The following CERKL variants were observed in gnomAD, a reference collection of about 807,000 sequenced individuals.
CERKL encodes CERK like autophagy regulator.
CERKL carries 61 observed loss-of-function variants against 63.4 expected under a neutral mutation model. That is an observed-to-expected ratio of 0.96 (90% CI 0.78 to 1.19). The LOEUF (loss-of-function observed/expected upper bound fraction) is 1.19, where lower values mean the gene tolerates loss of function less well. Among genes scored for constraint, CERKL ranks in the 50% most tolerant of loss-of-function variants. The pLI is 0.00. For synonymous variants in CERKL, 250 were observed against 230.5 expected, an observed-to-expected ratio of 1.08 and a Z score of -0.77; for missense variants, 675 against 655.5, an observed-to-expected ratio of 1.03 and a Z score of -0.33.
intron 2 of CERKL, among the ~76,000 whole-genome samples, chr2:181,578,022 C>T (rs147149462): frequency 3.3e-5 from 5 of 152,258 alleles, no homozygotes; most frequent in East Asian, 3.9e-4. Flanking sequence ...GAGAAACCCA[C>T]GCTCATGCTA....
intron 2 of CERKL, among the ~76,000 whole-genome samples, chr2:181,577,195 T>C (rs1363169353): frequency 6.6e-6 from 1 of 152,138 alleles, no homozygotes; most frequent in East Asian, 1.9e-4. Context: ...ACTGAAAGAA[T>C]AGCTAAAGAA....
intron 3 of CERKL, among the ~76,000 whole-genome samples, chr2:181,572,128 T>C (rs562410303): frequency 5.9e-5 from 9 of 151,604 alleles, no homozygotes; most frequent in Middle Eastern, 3.4e-3. Context: ...CCGCCCCCCC[T>C]CCCAACTTTT....
chr2:181,633,667 C>T (rs746705545), intron 1 of CERKL, among the ~76,000 whole-genome samples: 10 of 152,078 alleles, frequency 6.6e-5, no homozygotes, highest in Admixed American at 2.0e-4. Flanking sequence ...GAAGAGAAAG[C>T]GTCGGGCAAT....
At position 181,656,945 on chromosome 2, in the gene CERKL, G is replaced by T. The variant is rs1278546232; in HGVS notation, c.62C>A (p.Ala21Glu). ...SALEGGREEE[A>E]PPEAAAVPPA... Reference sequence around the variant, plus strand: ...AGGCACAGCGGCAGCCTCCGGGGGCGCCTCTTCCTCCCGGCCGCCCTCCAG... The same window carrying T: ...AGGCACAGCGGCAGCCTCCGGGGGCTCCTCTTCCTCCCGGCCGCCCTCCAG... Residue 21 changes from alanine to glutamate, a missense_variant, in exon 1 of 13, where the codon GCG (alanine) becomes GAG (glutamate). Transcript: ENST00000410087. The T allele has an allele frequency of 6.9e-6, 11 of 1,586,900 alleles. No homozygotes were observed. Among genetic ancestry groups the T allele is most frequent in the South Asian group, 1.1e-5 (1 of 89,500 alleles).
chr2:181,571,974 T>C (rs115077018), intron 3 of CERKL, among the ~76,000 whole-genome samples: 72 of 152,272 alleles, frequency 4.7e-4, no homozygotes, highest in African/African-American at 1.7e-3. Context: ...AGGATGAAAT[T>C]CACTGGCAGC....
chr2:181,539,047 TTA>T, intron 12 of CERKL, 43 bp downstream of exon 12: 1 of 1,274,004 alleles, frequency 7.8e-7, no homozygotes, highest in Non-Finnish European at 1.1e-6. Flanking sequence ...AATATTAGAT[TTA>T]TGTTTACTGG....
intron 1 of CERKL, among the ~76,000 whole-genome samples, chr2:181,655,639 G>C (rs1346539641): frequency 2.0e-5 from 3 of 152,220 alleles, no homozygotes; most frequent in African/African-American, 7.2e-5. Context: ...TCCCTGGCTA[G>C]TTGGTTTCAT....
chr2:181,588,749 C>A (rs1684866134), intron 2 of CERKL, among the ~76,000 whole-genome samples: 1 of 152,056 alleles, frequency 6.6e-6, no homozygotes, highest in Non-Finnish European at 1.5e-5. Flanking sequence ...CCCACCAATA[C>A]TTATCTTTTA....
intron 12 of CERKL, among the ~76,000 whole-genome samples, chr2:181,538,826 T>C (rs1025212699): frequency 6.6e-6 from 1 of 152,174 alleles, no homozygotes; most frequent in African/African-American, 2.4e-5. Context: ...ACATTATCTG[T>C]AGTTTATGCA....
chr2:181,614,466 T>C (rs1038822877), intron 1 of CERKL, among the ~76,000 whole-genome samples: 1 of 152,234 alleles, frequency 6.6e-6, no homozygotes, highest in Non-Finnish European at 1.5e-5. Flanking sequence ...CTTTACGGTA[T>C]CACCTTAAGA....
intron 1 of CERKL, among the ~76,000 whole-genome samples, chr2:181,643,295 A>G (rs1324327881): frequency 6.6e-6 from 1 of 152,230 alleles, no homozygotes; most frequent in African/African-American, 2.4e-5. Flanking sequence ...AGTAACTCAG[A>G]CATGTTAAAC....
chr2:181,572,768 C>T (rs1456945805), intron 3 of CERKL, among the ~76,000 whole-genome samples: 1 of 142,470 alleles, frequency 7.0e-6, no homozygotes, highest in African/African-American at 2.7e-5. Context: ...GCTGACCTTC[C>T]TACAAAACTT....
At chr2:181,579,065 CATTT>C (rs1684386718) in intron 2 of CERKL, among the ~76,000 whole-genome samples, 1 of 151,988 alleles carries the variant, frequency 6.6e-6, no homozygotes, top group Non-Finnish European at 1.5e-5. Flanking sequence ...TTCACTCTGT[CATTT>C]ATTAACTGTG....
At chr2:181,629,993 C>T (rs1173853321) in intron 1 of CERKL, among the ~76,000 whole-genome samples, 1 of 150,622 alleles carries the variant, frequency 6.6e-6, no homozygotes, top group Non-Finnish European at 1.5e-5. Context: ...AGAAGCCTCA[C>T]CTCACTATTA....
intron 5 of CERKL, among the ~76,000 whole-genome samples, chr2:181,551,506 G>T (rs898929619): frequency 6.6e-6 from 1 of 151,878 alleles, no homozygotes; most frequent in African/African-American, 2.4e-5. Flanking sequence ...CAAAGGATAC[G>T]AACAGACACT....
At chr2:181,623,371 G>T (rs546206269) in intron 1 of CERKL, among the ~76,000 whole-genome samples, 1 of 152,198 alleles carries the variant, frequency 6.6e-6, no homozygotes, top group African/African-American at 2.4e-5. Context: ...ATGGATAATG[G>T]GTTTTATGTC....
intron 1 of CERKL, among the ~76,000 whole-genome samples, chr2:181,641,302 CATATATATATATATAT>C (rs1174454591): frequency 1.4e-3 from 138 of 97,120 alleles, no homozygotes; most frequent in African/African-American, 4.7e-3. Context: ...TATGTGTATG[CATATATATATATATAT>C]ATATATATAT....
chr2:181,608,697 C>G (rs973438044), intron 1 of CERKL, among the ~76,000 whole-genome samples: 1 of 152,086 alleles, frequency 6.6e-6, no homozygotes, highest in African/African-American at 2.4e-5. Flanking sequence ...TTACTCATAG[C>G]ATTCAATTAT....
At chr2:181,547,008 A>G (rs1192635885) in intron 10 of CERKL, among the ~76,000 whole-genome samples, 1 of 152,136 alleles carries the variant, frequency 6.6e-6, no homozygotes, top group Non-Finnish European at 1.5e-5. Context: ...ATGGTAATGA[A>G]TAAGTCTCAT....
Sources: gnomAD v4.1 joint callset for allele counts (sites outside exome capture counted in the v4.1 genomes callset) on GRCh38, gnomAD v4.1.1 for gene constraint, MANE v1.5 for transcripts, NCBI Gene and HGNC (gene_info 2026-07-23, HGNC 2026-07-21) for gene names.